Variants in VSTM4 observed in about 807,000 individuals in gnomAD.
The protein encoded by VSTM4 is V-set and transmembrane domain-containing protein 4.
A neutral mutation model predicts 36.4 loss-of-function variants in VSTM4; 20 were observed. That is an observed-to-expected ratio of 0.55 (90% CI 0.39 to 0.80). The LOEUF (loss-of-function observed/expected upper bound fraction) is 0.80, where lower values mean the gene tolerates loss of function less well. Ranked by LOEUF, VSTM4 falls within the 30% of genes least tolerant of loss-of-function variation. The probability of loss-of-function intolerance (pLI) is 0.00; values close to 1 mark genes in which losing one functional copy is unlikely to be tolerated. For missense variants in VSTM4, 392 were observed against 404.5 expected (o/e 0.97, Z 0.26); for synonymous variants, 182 against 173.9 (o/e 1.05, Z -0.37).
intron 5 of VSTM4, among the ~76,000 whole-genome samples, chr10:49,052,243 T>A (rs17773394): frequency 1.3e-5 from 2 of 152,290 alleles, no homozygotes; most frequent in South Asian, 4.1e-4. Flanking sequence ...ACTCAACAAA[T>A]GAGAATACCT....
chr10:49,076,311 T>C (rs1029819267), intron 4 of VSTM4, among the ~76,000 whole-genome samples: 3 of 152,220 alleles, frequency 2.0e-5, no homozygotes, highest in African/African-American at 7.2e-5. Flanking sequence ...TTAGCATCTT[T>C]CTTTTGGTAA....
At chr10:49,058,970 T>G (rs1005209080) in intron 5 of VSTM4, among the ~76,000 whole-genome samples, 1 of 152,296 alleles carries the variant, frequency 6.6e-6, no homozygotes, top group Non-Finnish European at 1.5e-5. Context: ...GGCAGACAGA[T>G]GAGGGTGCTG....
In VSTM4 at chr10:49,107,617, C is replaced by A; in HGVS notation, c.434G>T (p.Gly145Val). 1 of 1,609,160 alleles carries A rather than the reference C, an allele frequency of 6.2e-7. No homozygotes were observed. The highest frequency in any genetic ancestry group is 8.5e-7 in the Non-Finnish European group (1 of 1,176,152). The change falls in exon 2 of 8, where the codon GGC becomes GTC. Residue 145 changes from glycine (G) to valine (V), a missense_variant. Gly to Val is a moderately radical substitution (Grantham distance 109, BLOSUM62 -3). Coordinates refer to ENST00000332853, the MANE Select transcript of VSTM4 (RefSeq NM_001031746.5). The part of the protein sequence containing the change: ...HRNKWTAWSN[G>V]SSATEMRVIS... ...ACCTCTCATTTCCGTGGCTGAGGAGCCATTGGACCAGGCCGTCCACTTGTT... is the reference window on the plus strand; with the variant it reads ...ACCTCTCATTTCCGTGGCTGAGGAGACATTGGACCAGGCCGTCCACTTGTT...
chr10:49,110,829 G>A (rs76098606), intron 1 of VSTM4, among the ~76,000 whole-genome samples: 1 of 152,144 alleles, frequency 6.6e-6, no homozygotes, highest in Non-Finnish European at 1.5e-5. Context: ...TCCAAAATGT[G>A]ATGTTTCTGT....
intron 7 of VSTM4, among the ~76,000 whole-genome samples, chr10:49,045,524 C>T (rs1165990702): frequency 2.0e-5 from 3 of 152,146 alleles, no homozygotes; most frequent in Non-Finnish European, 4.4e-5. Flanking sequence ...AAGATATTTG[C>T]AAGCCTTAAC....
chr10:49,069,513 CA>C (rs1844035257), intron 4 of VSTM4, among the ~76,000 whole-genome samples: 1 of 152,198 alleles, frequency 6.6e-6, no homozygotes, highest in African/African-American at 2.4e-5. Context: ...CCTGAGAAAG[CA>C]CCTCCCTCAT....
At chr10:49,093,348 A>G (rs1844512140) in intron 2 of VSTM4, among the ~76,000 whole-genome samples, 1 of 152,142 alleles carries the variant, frequency 6.6e-6, no homozygotes, top group Admixed American at 6.5e-5. Context: ...CCACACCCCT[A>G]TCGCATGCAC....
intron 3 of VSTM4, among the ~76,000 whole-genome samples, chr10:49,082,219 T>C (rs541300515): frequency 6.6e-6 from 1 of 152,314 alleles, no homozygotes; most frequent in South Asian, 2.1e-4. Context: ...CCTTTTTATG[T>C]AAAAATCTCT....
At chr10:49,072,502 G>A (rs1313958648) in intron 4 of VSTM4, among the ~76,000 whole-genome samples, 1 of 152,162 alleles carries the variant, frequency 6.6e-6, no homozygotes, top group African/African-American at 2.4e-5. Context: ...ACTGGGCCTG[G>A]CAGTGAGAAG....
Position 49,048,545 on chromosome 10 carries a change from T to C in VSTM4, c.708A>G (p.Pro236=), listed in dbSNP as rs748762990. 2.5e-6 allele frequency: 4 copies of C among 1,597,232 alleles called. No homozygotes were observed. Among genetic ancestry groups the C allele is most frequent in the East Asian group, 2.3e-5 (1 of 43,736 alleles). The change falls in exon 6 of 8, where the codon CCA becomes CCG. Residue 236 remains proline, a synonymous_variant. Coordinates refer to ENST00000332853, the MANE Select transcript of VSTM4 (RefSeq NM_001031746.5). ...ETVTSVTSLA[P]LQPKKGKRQK... is the part of the protein sequence containing the mutation. ...GCCTCTTGCCCTTCTTGGGCTGTAG[T>C]GGGGCCAAGCTGGTCACGCTAGTGA...
chr10:49,019,741 T>A lies in VSTM4; in HGVS notation c.872A>T (p.Glu291Val). 2 of 1,613,788 alleles carry A rather than the reference T, an allele frequency of 1.2e-6. No homozygotes were observed. The stretch of plus-strand genomic sequence containing the variant: ...CCGGTGGGGTTTGATCAGCTCCAGT[T>A]CGGCATAGGTTAAGTTTTCCTCAGC... ...KIAEENLTYAELELIKPHRAA... is the reference protein window; with the variant it reads ...KIAEENLTYAVLELIKPHRAA... The change falls in exon 8 of 8, where the codon GAA becomes GTA. Residue 291 changes from glutamate to valine, a missense_variant. Physicochemically the swap from Glu to Val is moderately radical, Grantham distance 121 (BLOSUM62 -2). Coordinates refer to ENST00000332853, the MANE Select transcript of VSTM4 (RefSeq NM_001031746.5).
intron 4 of VSTM4, among the ~76,000 whole-genome samples, chr10:49,069,820 G>C (rs1178302135): frequency 3.3e-5 from 5 of 152,218 alleles, no homozygotes; most frequent in African/African-American, 1.2e-4. Flanking sequence ...ATGCACAGCT[G>C]TCTGTCCAGG....
At chr10:49,048,348 A>G (rs1217095179) in intron 6 of VSTM4, 130 bp downstream of exon 6, 1 of 827,716 alleles carries the variant, frequency 1.2e-6, no homozygotes, top group African/African-American at 1.8e-5. Context: ...TCCAGACTAC[A>G]TAATCATTAA....
At chr10:49,022,981 C>T (rs1843204715) in intron 7 of VSTM4, among the ~76,000 whole-genome samples, 1 of 152,198 alleles carries the variant, frequency 6.6e-6, no homozygotes, top group African/African-American at 2.4e-5. Context: ...CTATAGTAAA[C>T]ATAATTTAAT....
chr10:49,062,341 G>A (rs1843891872), intron 5 of VSTM4, among the ~76,000 whole-genome samples: 1 of 151,932 alleles, frequency 6.6e-6, no homozygotes, highest in African/African-American at 2.4e-5. Flanking sequence ...TTATATTTTA[G>A]TCATTAAAGT....
At chr10:49,073,104 T>C (rs890702269) in intron 4 of VSTM4, among the ~76,000 whole-genome samples, 3 of 152,234 alleles carry the variant, frequency 2.0e-5, no homozygotes, top group African/African-American at 7.2e-5. Context: ...TCCTATCATA[T>C]CATTTTTGTT....
intron 7 of VSTM4, among the ~76,000 whole-genome samples, chr10:49,030,356 T>C (rs1175211812): frequency 6.6e-6 from 1 of 152,174 alleles, no homozygotes; most frequent in East Asian, 1.9e-4. Flanking sequence ...TAGGTGTGCC[T>C]TGACCCAGGG....
intron 5 of VSTM4, among the ~76,000 whole-genome samples, chr10:49,061,169 G>A (rs1017707873): frequency 1.3e-5 from 2 of 152,118 alleles, no homozygotes; most frequent in African/African-American, 2.4e-5. Context: ...ACAAAAAACT[G>A]TTTCCACATT....
chr10:49,097,997 C>T (rs1435143082), intron 2 of VSTM4, among the ~76,000 whole-genome samples: 2 of 152,208 alleles, frequency 1.3e-5, no homozygotes, highest in Non-Finnish European at 2.9e-5. Flanking sequence ...GCTATGATGC[C>T]TGCCAGGTAT....
Sources: allele counts gnomAD v4.1 joint callset (sites outside exome capture counted in the v4.1 genomes callset), GRCh38; gene constraint gnomAD v4.1.1; transcripts MANE v1.5; gene names NCBI Gene and HGNC (gene_info 2026-07-23, HGNC 2026-07-21).